Variants in ARID1B observed in about 807,000 individuals in gnomAD.
The protein encoded by ARID1B is AT-rich interaction domain 1B, also known as AT-rich interactive domain-containing protein 1B.
Under a neutral mutation model 212.3 loss-of-function variants are expected in ARID1B, and 30 were observed. The observed-to-expected ratio is 0.14, with a 90% confidence interval of 0.11 to 0.19. The LOEUF (loss-of-function observed/expected upper bound fraction) is 0.19. Ranked by LOEUF, ARID1B falls within the 10% of genes least tolerant of loss-of-function variation. The pLI is 1.00. For synonymous variants in ARID1B, 1,402 were observed against 1,301.7 expected, an observed-to-expected ratio of 1.08 and a Z score of -1.66; for missense variants, 2,891 against 3,204.0, an observed-to-expected ratio of 0.90 and a Z score of 2.36.
At chr6:157,137,384 T>G (rs897086635) in intron 7 of ARID1B, among the ~76,000 whole-genome samples, 1 of 152,222 alleles carries the variant, frequency 6.6e-6, no homozygotes, top group African/African-American at 2.4e-5. Flanking sequence ...GCAAAGTGTT[T>G]GCAAGGAAAG....
At chr6:156,950,707 C>G (rs9969052) in intron 4 of ARID1B, among the ~76,000 whole-genome samples, 47,643 of 151,902 alleles carry the variant, frequency 0.31, 7,627 homozygotes, top group African/African-American at 0.35. Flanking sequence ...GTGGTAACTG[C>G]TGTAAAGGTA....
In ARID1B at chr6:157,207,231, C is replaced by T. The variant is rs939615492; in HGVS notation, c.6459C>T (p.Asn2153=). 2 of 1,614,088 alleles carry T rather than the reference C, an allele frequency of 1.2e-6. No individual in the cohort carries two copies. Among genetic ancestry groups the T allele is most frequent in the Admixed American group, 1.7e-5 (1 of 60,006 alleles). Residue 2153 remains asparagine, a synonymous_variant, in exon 20 of 20, where the codon AAC becomes AAT. Coordinates refer to ENST00000636930, the MANE Select transcript of ARID1B (RefSeq NM_001374828.1). This position sits in a 1 kb window ranked among gnomAD's most constrained non-coding sequence, Gnocchi z 8.5. ...LRDNTLVTLA[N]ISGQLDLSAY... Reference sequence around the variant, plus strand: ...ATAACACGTTGGTCACGTTGGCCAACATTTCCGGGCAGCTAGACTTGTCTG... The same window carrying T: ...ATAACACGTTGGTCACGTTGGCCAATATTTCCGGGCAGCTAGACTTGTCTG...
intron 4 of ARID1B, among the ~76,000 whole-genome samples, chr6:157,028,423 A>C (rs1004006162): frequency 6.6e-6 from 1 of 152,240 alleles, no homozygotes; most frequent in African/African-American, 2.4e-5. Flanking sequence ...CTAATTTAAT[A>C]AGATACAGTT....
intron 1 of ARID1B, among the ~76,000 whole-genome samples, chr6:156,819,943 G>C (rs1188933900): frequency 6.6e-6 from 1 of 151,784 alleles, no homozygotes; most frequent in African/African-American, 2.4e-5. Flanking sequence ...CCTGCTGGCA[G>C]AGATGGGGGG....
At chr6:156,951,911 A>G (rs999648048) in intron 4 of ARID1B, among the ~76,000 whole-genome samples, 5 of 152,360 alleles carry the variant, frequency 3.3e-5, no homozygotes, top group African/African-American at 1.2e-4. Context: ...AAAATTATCA[A>G]AGGCCTAAAT....
At position 156,955,025 on chromosome 6, in the gene ARID1B, G is replaced by A. The variant is rs548780540; in HGVS notation, c.2247+19449G>A. Among the ~76,000 whole-genome samples the A allele has an allele frequency of 2.6e-5, 4 of 152,326 alleles. No individual in the cohort carries two copies. The highest frequency in any genetic ancestry group is 4.1e-4 in the South Asian group (2 of 4,828). ...GGCGTCAGGGTCTGCAGGGCTTTGC[G>A]GCAGCTGCAGCCCACTCTTGCCACT... On this transcript the variant is annotated intron_variant, in intron 4 of 19. Coordinates refer to ENST00000636930, the MANE Select transcript of ARID1B (RefSeq NM_001374828.1). The surrounding 1 kb of genome is among the most constrained non-coding windows in gnomAD (Gnocchi z 4.2).
intron 4 of ARID1B, among the ~76,000 whole-genome samples, chr6:157,017,963 CAAAAA>C (rs112983063): frequency 0.049 from 4,797 of 97,316 alleles, 278 homozygotes; most frequent in African/African-American, 0.17. Context: ...ACCATCTCTA[CAAAAA>C]AAAAAAAAAA....
At chr6:157,062,672 T>G (rs1190666908) in intron 4 of ARID1B, among the ~76,000 whole-genome samples, 1 of 151,062 alleles carries the variant, frequency 6.6e-6, no homozygotes, top group African/African-American at 2.4e-5. Flanking sequence ...AAAGTGTCTG[T>G]TAATCTGGTA....
chr6:156,850,051 A>G (rs762193346), intron 2 of ARID1B, among the ~76,000 whole-genome samples: 1 of 148,782 alleles, frequency 6.7e-6, no homozygotes, highest in Non-Finnish European at 1.5e-5. Context: ...TTAAGCACAT[A>G]GTTACTAGAT....
At chr6:157,050,732 A>G (rs572609995) in intron 4 of ARID1B, among the ~76,000 whole-genome samples, 2 of 152,330 alleles carry the variant, frequency 1.3e-5, no homozygotes, top group Admixed American at 1.3e-4. Flanking sequence ...TAGTACTTCT[A>G]ATGACATCAT....
chr6:156,807,478 A>G (rs1781258349), intron 1 of ARID1B, among the ~76,000 whole-genome samples: 1 of 150,984 alleles, frequency 6.6e-6, no homozygotes, highest in African/African-American at 2.4e-5. Flanking sequence ...AGAGAGTTAC[A>G]GACATGTAGT....
At chr6:157,194,763 A>G (rs1374851180) in intron 15 of ARID1B, 1 of 152,206 alleles carries the variant, frequency 6.6e-6, no homozygotes, top group Non-Finnish European at 1.5e-5. Context: ...CTAACTTTGT[A>G]TACATATTTT....
intron 7 of ARID1B, among the ~76,000 whole-genome samples, chr6:157,136,671 G>C (rs1265884978): frequency 6.6e-6 from 1 of 152,178 alleles, no homozygotes; most frequent in East Asian, 1.9e-4. Context: ...AGACCAGCCT[G>C]GGCAACATGG....
chr6:156,944,710 T>A lies in ARID1B; in HGVS notation c.2247+9134T>A, dbSNP rs193143644. On this transcript the variant is annotated intron_variant, in intron 4 of 19. Coordinates refer to ENST00000636930, the MANE Select transcript of ARID1B (RefSeq NM_001374828.1). The stretch of plus-strand genomic sequence containing the variant: ...TAAGGGCATGTATCTGAGGCCTCCC[T>A]TCACCTCCAAACCTCAGGTTTACAT... Among the ~76,000 whole-genome samples, 477 of 152,332 alleles carry A rather than the reference T, an allele frequency of 3.1e-3. 14 individuals are homozygous for A. The highest frequency in any genetic ancestry group is 0.028 in the Admixed American group (430 of 15,300).
At chr6:157,083,289 C>G (rs1409396392) in intron 4 of ARID1B, among the ~76,000 whole-genome samples, 1 of 152,214 alleles carries the variant, frequency 6.6e-6, no homozygotes, top group Non-Finnish European at 1.5e-5. Flanking sequence ...TGACTCCATT[C>G]TATAGTATGT....
chr6:157,080,005 T>G (rs1784544677), intron 4 of ARID1B, among the ~76,000 whole-genome samples: 1 of 152,154 alleles, frequency 6.6e-6, no homozygotes, highest in Non-Finnish European at 1.5e-5. Flanking sequence ...CCATGGGAAG[T>G]CACAGTGAGA....
chr6:156,902,735 CAAAAAAAAAA>C (rs869259426), intron 3 of ARID1B, among the ~76,000 whole-genome samples: 4,573 of 61,622 alleles, frequency 0.074, 253 homozygotes, highest in African/African-American at 0.21. Context: ...GACTCTGTCT[CAAAAAAAAAA>C]AAAAAAAAAA....
intron 5 of ARID1B, among the ~76,000 whole-genome samples, chr6:157,102,332 A>G (rs1420787533): frequency 6.6e-6 from 1 of 152,224 alleles, no homozygotes; most frequent in Non-Finnish European, 1.5e-5. Flanking sequence ...AGTTGGAAAA[A>G]TAAAACTACA....
Position 156,847,158 on chromosome 6 carries a change from GT to G in ARID1B, c.1986+17748del, listed in dbSNP as rs533544054. Among the ~76,000 whole-genome samples, 59 of 147,602 alleles carry G rather than the reference GT, an allele frequency of 4.0e-4. No individual in the cohort carries two copies. In the East Asian group the frequency reaches 6.1e-3, roughly 15 times the overall value. ...TCTGCAAAGGCATCTTTAATAAGCA[GT>G]TTTTTTTTTTAAACCAACCTGTTTT... On this transcript the variant is annotated intron_variant, in intron 2 of 19. Transcript: ENST00000636930.
Sources: allele counts gnomAD v4.1 joint callset (sites outside exome capture counted in the v4.1 genomes callset), GRCh38; gene constraint gnomAD v4.1.1; non-coding constraint Gnocchi (gnomAD v3.1); transcripts MANE v1.5; gene names NCBI Gene and HGNC (gene_info 2026-07-23, HGNC 2026-07-21).